Variants in ZMYM5 observed in about 807,000 individuals in gnomAD.
ZMYM5 encodes zinc finger MYM-type containing 5, also known as zinc finger MYM-type protein 5.
Under a neutral mutation model 61.8 loss-of-function variants are expected in ZMYM5, and 41 were observed. The ratio of observed to expected loss-of-function variants is 0.66; its 90% CI spans 0.52 to 0.86. The LOEUF (loss-of-function observed/expected upper bound fraction) is 0.86, where lower values mean the gene tolerates loss of function less well. Among genes scored for constraint, ZMYM5 ranks in the 40% least tolerant of loss-of-function variants. The pLI, the probability that ZMYM5 is intolerant of heterozygous loss-of-function variation, is 0.00. For missense variants in ZMYM5, 706 were observed against 786.7 expected, an observed-to-expected ratio of 0.90 and a Z score of 1.23; for synonymous variants, 257 against 276.4, an observed-to-expected ratio of 0.93 and a Z score of 0.70.
chr13:19,843,633 C>T (rs1231720807), intron 4 of ZMYM5: 7 of 150,738 alleles, frequency 4.6e-5, no homozygotes, highest in African/African-American at 1.2e-4. Context: ...CTCACAAGTT[C>T]GAGACCAGTC....
At chr13:19,825,372 C>T (rs1472467067) in intron 7 of ZMYM5, 137 bp from the exon 8 acceptor site, 45 of 850,936 alleles carry the variant, frequency 5.3e-5, no homozygotes, top group Middle Eastern at 5.2e-4. Flanking sequence ...CGGTCGGGTG[C>T]GGTGGTTCAT....
At position 19,824,766 on chromosome 13, in the gene ZMYM5, G is replaced by GT. The variant is rs1483505407; in HGVS notation, c.1720dup (p.Thr574AsnfsTer3). On this transcript the variant is annotated frameshift_variant, in exon 8 of 8. Transcript: ENST00000337963. LOFTEE classifies it high-confidence loss of function. ...TGAATAAAGTAACCAGGATCTAGTG[G>GT]TTTTTTCACCATTTGGAAGAATCCG... is the stretch of plus-strand genomic sequence containing the variant. 6.6e-6 allele frequency: 9 copies of GT among 1,360,188 alleles called. No homozygotes were observed. The highest frequency in any genetic ancestry group is 1.5e-5 in the African/African-American group (1 of 67,768). 84.3% of individuals were successfully genotyped at this position (1,360,188 alleles called of 1,614,324 possible).
chr13:19,833,623 T>G lies in ZMYM5; in HGVS notation c.1251+1854A>C, dbSNP rs187310516. On this transcript the variant is annotated intron_variant, in intron 7 of 7. Transcript: ENST00000337963. ...ATTAATTCAAAATGAATCACAGGCC[T>G]AAAAAATAAAAGCTAAAACTGAAAA... is the stretch of plus-strand genomic sequence containing the variant. 1.3e-3 allele frequency among the ~76,000 whole-genome samples: 193 copies of G among 152,198 alleles called. 1 individual carries two copies. Among genetic ancestry groups the G allele is most frequent in the African/African-American group, 4.4e-3 (181 of 41,542 alleles).
chr13:19,830,990 C>T (rs1891184124), intron 7 of ZMYM5, among the ~76,000 whole-genome samples: 1 of 151,718 alleles, frequency 6.6e-6, no homozygotes, highest in South Asian at 2.1e-4. Flanking sequence ...CAGGTGCCTG[C>T]CACCACGCCC....
rs1952644284 is a variant in ZMYM5 at position 19,835,421 on chromosome 13, T to C, written c.1251+56A>G. 6 of 1,177,992 alleles carry C rather than the reference T, an allele frequency of 5.1e-6. No individual in the cohort carries two copies. In the South Asian group the frequency reaches 7.6e-5, roughly 15 times the overall value. The allele number at this position is 1,177,992 out of a possible 1,614,324, so 73.0% of individuals were successfully genotyped here. ...TAAGATAAATCCGGTTCATGTAAGA[T>C]GTAAGGGTGAAGCTACTATATATTT... On this transcript the variant is annotated intron_variant, in intron 7 of 7. Transcript: ENST00000337963.
chr13:19,835,383 T>C, intron 7 of ZMYM5, 94 bp downstream of exon 7: 1 of 866,696 alleles, frequency 1.2e-6, no homozygotes, highest in South Asian at 1.6e-5. Flanking sequence ...CAAAATGGAA[T>C]TAAATGAGAT....
chr13:19,860,142 TA>T (rs1953678600), intron 2 of ZMYM5, among the ~76,000 whole-genome samples: 4 of 146,082 alleles, frequency 2.7e-5, no homozygotes, highest in African/African-American at 1.0e-4. Context: ...AAAAAAGAAT[TA>T]TAGATGGAGT....
intron 7 of ZMYM5, among the ~76,000 whole-genome samples, chr13:19,828,333 G>A (rs1283210898): frequency 6.6e-6 from 1 of 152,102 alleles, no homozygotes; most frequent in Non-Finnish European, 1.5e-5. Context: ...AATTAGCCAG[G>A]AGTGGTGGCG....
chr13:19,863,213 C>T (rs1231891932), intron 1 of ZMYM5, among the ~76,000 whole-genome samples: 1 of 151,572 alleles, frequency 6.6e-6, no homozygotes, highest in South Asian at 2.1e-4. Flanking sequence ...CCCGCCTCCC[C>T]GCCGGCCCCG....
Position 19,837,793 on chromosome 13 carries a change from T to G in ZMYM5, c.901A>C (p.Ile301Leu), listed in dbSNP as rs756561613. 3 of 1,593,754 alleles carry G rather than the reference T, an allele frequency of 1.9e-6. No individual in the cohort carries two copies. Among genetic ancestry groups the G allele is most frequent in the Non-Finnish European group, 1.7e-6 (2 of 1,175,760 alleles). ...GATTTGCTTGATTCTACTGGAAGAA[T>G]GACATTAGCCTTCTTTGTAGATGCA... is the stretch of plus-strand genomic sequence containing the variant. ...KDASTKKANV[I>L]LPVESSKSFQ... The change falls in exon 6 of 8, where the codon ATT (isoleucine) becomes CTT (leucine). Residue 301 changes from isoleucine to leucine, a missense_variant. Coordinates refer to ENST00000337963, the MANE Select transcript of ZMYM5 (RefSeq NM_001142684.2).
intron 5 of ZMYM5, 30 bp downstream of exon 5, chr13:19,838,670 T>C (rs755554841): frequency 3.1e-6 from 5 of 1,608,048 alleles, no homozygotes; most frequent in Non-Finnish European, 2.6e-6. Context: ...TATTCAACTA[T>C]GTGGAGAAAT....
chr13:19,837,600 A>G (rs1952714967), intron 6 of ZMYM5, 56 bp downstream of exon 6: 1 of 1,605,296 alleles, frequency 6.2e-7, no homozygotes, highest in Non-Finnish European at 8.5e-7. Context: ...ATAGCACTTA[A>G]AAGTTAAAAT....
intron 7 of ZMYM5, 127 bp downstream of exon 7, chr13:19,835,349 TG>T: frequency 1.5e-6 from 1 of 658,824 alleles, no homozygotes; most frequent in Non-Finnish European, 2.2e-6. Flanking sequence ...ATATTTGAGA[TG>T]GGACAAACCA....
At chr13:19,828,216 G>A (rs1891015639) in intron 7 of ZMYM5, among the ~76,000 whole-genome samples, 1 of 152,124 alleles carries the variant, frequency 6.6e-6, no homozygotes, top group Non-Finnish European at 1.5e-5. Context: ...GCTCACGCCT[G>A]TAATCCCAGG....
chr13:19,825,436 G>A (rs1335796712), intron 7 of ZMYM5, among the ~76,000 whole-genome samples: 1 of 151,878 alleles, frequency 6.6e-6, no homozygotes, highest in Non-Finnish European at 1.5e-5. Context: ...TTTGAGGTCA[G>A]GAGTTCGAGA....
chr13:19,859,546 G>A (rs1369600882), intron 2 of ZMYM5, among the ~76,000 whole-genome samples: 1 of 151,822 alleles, frequency 6.6e-6, no homozygotes, highest in Non-Finnish European at 1.5e-5. Flanking sequence ...GGGACTACAG[G>A]CACCTGCCAC....
At chr13:19,832,321 C>T (rs1034618280) in intron 7 of ZMYM5, among the ~76,000 whole-genome samples, 1 of 151,604 alleles carries the variant, frequency 6.6e-6, no homozygotes, top group Non-Finnish European at 1.5e-5. Context: ...ACAGGTAAAT[C>T]ATCCTTTTTT....
intron 2 of ZMYM5, among the ~76,000 whole-genome samples, chr13:19,859,568 G>A (rs1953649459): frequency 6.6e-6 from 1 of 150,516 alleles, no homozygotes; most frequent in South Asian, 2.1e-4. Context: ...ATGCCCAGCT[G>A]ATTTTTTTTT....
At chr13:19,829,371 A>G (rs1048025122) in intron 7 of ZMYM5, among the ~76,000 whole-genome samples, 1 of 152,148 alleles carries the variant, frequency 6.6e-6, no homozygotes, top group African/African-American at 2.4e-5. Context: ...ACTCACTCGC[A>G]GCCGTGACCT....
Sources: allele counts gnomAD v4.1 joint callset (sites outside exome capture counted in the v4.1 genomes callset), GRCh38; gene constraint gnomAD v4.1.1; transcripts MANE v1.5; gene names NCBI Gene and HGNC (gene_info 2026-07-23, HGNC 2026-07-21).